The following IMMP2L variants were observed in gnomAD, a reference collection of about 807,000 sequenced individuals.
IMMP2L encodes the protein mitochondrial inner membrane protease subunit 2.
In IMMP2L, 18 loss-of-function variants were observed where a neutral mutation model predicts 19.3. The observed-to-expected ratio is 0.93, with a 90% CI of 0.64 to 1.38. The LOEUF (loss-of-function observed/expected upper bound fraction) is 1.38, where lower values mean the gene tolerates loss of function less well. Ranked by LOEUF, IMMP2L falls within the 40% of genes most tolerant of loss-of-function variation. The probability of loss-of-function intolerance (pLI) is 0.00; values close to 1 mark genes in which losing one functional copy is unlikely to be tolerated. For synonymous variants in IMMP2L, 76 were observed against 73.0 expected (o/e 1.04, Z -0.21); for missense variants, 233 against 218.2 (o/e 1.07, Z -0.43).
At chr7:111,046,818 G>C (rs1357718937) in intron 3 of IMMP2L, among the ~76,000 whole-genome samples, 1 of 152,116 alleles carries the variant, frequency 6.6e-6, no homozygotes, top group Non-Finnish European at 1.5e-5. Context: ...TGGTGTTGGG[G>C]ACTCTACATT....
rs550435780 is a variant in IMMP2L, at chr7:110,665,702, G to A, written c.409-1981C>T. On this transcript the variant is annotated intron_variant, in intron 5 of 5. Coordinates refer to ENST00000405709, the MANE Select transcript of IMMP2L (RefSeq NM_032549.4). ...GAGTCAAGTTCCATCAAATCAGGAG[G>A]CACAAAATATCGGTGCATCTCATTG... Among the ~76,000 whole-genome samples the A allele has an allele frequency of 2.6e-5, 4 of 152,166 alleles. No individual in the cohort carries two copies. The East Asian group carries it at 7.7e-4, about 29-fold the overall frequency.
chr7:111,223,712 G>A (rs547032928), intron 3 of IMMP2L, among the ~76,000 whole-genome samples: 2 of 152,128 alleles, frequency 1.3e-5, no homozygotes, highest in African/African-American at 4.8e-5. Context: ...ATATTTAACT[G>A]TTTCCTGCAG....
At chr7:110,949,969 T>C (rs1817628995) in intron 4 of IMMP2L, among the ~76,000 whole-genome samples, 1 of 152,138 alleles carries the variant, frequency 6.6e-6, no homozygotes, top group Non-Finnish European at 1.5e-5. Context: ...TTAAATCCCC[T>C]GAATAATGAG....
intron 3 of IMMP2L, among the ~76,000 whole-genome samples, chr7:111,268,973 AT>A (rs943461192): frequency 2.6e-5 from 4 of 151,974 alleles, no homozygotes; most frequent in African/African-American, 9.7e-5. Flanking sequence ...AATATTGTCC[AT>A]TTTTTATTAC....
intron 5 of IMMP2L, among the ~76,000 whole-genome samples, chr7:110,816,046 A>T (rs1802479998): frequency 1.3e-5 from 2 of 151,832 alleles, no homozygotes; most frequent in Non-Finnish European, 2.9e-5. Flanking sequence ...CAGTTCTTTT[A>T]ACTGTGATGT....
At chr7:111,270,843 T>C (rs894894963) in intron 3 of IMMP2L, among the ~76,000 whole-genome samples, 42 of 152,210 alleles carry the variant, frequency 2.8e-4, no homozygotes, top group African/African-American at 9.4e-4. Flanking sequence ...GGATTTTGTT[T>C]ATGCCAACTA....
At chr7:110,881,359 G>A (rs1445812155) in intron 5 of IMMP2L, among the ~76,000 whole-genome samples, 1 of 152,106 alleles carries the variant, frequency 6.6e-6, no homozygotes, top group Non-Finnish European at 1.5e-5. Flanking sequence ...TTCCAGCACT[G>A]TTTATGGGAA....
Position 111,495,010 on chromosome 7 carries a change from T to C in IMMP2L, c.136-7669A>G, listed in dbSNP as rs181570249. Among the ~76,000 whole-genome samples the C allele has an allele frequency of 8.5e-5, 13 of 152,220 alleles. No individual in the cohort carries two copies. In the East Asian group the frequency reaches 2.3e-3, roughly 27 times the overall value. On this transcript the variant is annotated intron_variant, in intron 2 of 5. Transcript: ENST00000405709. The stretch of plus-strand genomic sequence containing the variant: ...AGGATGCTTTTATGTGGGGCCTTAA[T>C]TGTTCTGCCTCTATAAATTAATCCA...
rs144349147 is a variant in IMMP2L, at chr7:111,442,909, C to T, written c.239+44329G>A. Reference sequence around the variant, plus strand: ...CTGGTTTGGACCTAGTTACAAATACCATTTAAACAGAACAGAAAAAAAGCC... The same window carrying T: ...CTGGTTTGGACCTAGTTACAAATACTATTTAAACAGAACAGAAAAAAAGCC... On this transcript the variant is annotated intron_variant, in intron 3 of 5. Coordinates refer to ENST00000405709, the MANE Select transcript of IMMP2L (RefSeq NM_032549.4). Among the ~76,000 whole-genome samples the T allele has an allele frequency of 8.6e-4, 130 of 151,900 alleles. 5 individuals are homozygous for T. The East Asian group carries it at 0.019, about 22-fold the overall frequency.
At chr7:110,954,264 G>C (rs767760978) in intron 4 of IMMP2L, among the ~76,000 whole-genome samples, 1 of 152,068 alleles carries the variant, frequency 6.6e-6, no homozygotes, top group African/African-American at 2.4e-5. Flanking sequence ...CCCACCAGAT[G>C]TTCCTGCTAA....
chr7:111,214,544 G>C (rs138198738), intron 3 of IMMP2L, among the ~76,000 whole-genome samples: 1 of 140,836 alleles, frequency 7.1e-6, no homozygotes, highest in African/African-American at 2.6e-5. Flanking sequence ...GTAGAGACAG[G>C]GTTTCAACAC....
At position 111,300,390 on chromosome 7, in the gene IMMP2L, AT is replaced by A. The variant is rs932554401; in HGVS notation, c.239+186847del. ...GAGTAAAGGGTTTTTCTTTAATTAA[AT>A]TTTTTTTATTTTGAGATAATTGTAG... On this transcript the variant is annotated intron_variant, in intron 3 of 5. Transcript: ENST00000405709. Among the ~76,000 whole-genome samples, 328 of 152,164 alleles carry A rather than the reference AT, an allele frequency of 2.2e-3. 3 individuals are homozygous for A. Among genetic ancestry groups the A allele is most frequent in the African/African-American group, 7.4e-3 (308 of 41,526 alleles).
At chr7:111,254,337 G>A (rs1249933184) in intron 3 of IMMP2L, among the ~76,000 whole-genome samples, 1 of 151,984 alleles carries the variant, frequency 6.6e-6, no homozygotes, top group Non-Finnish European at 1.5e-5. Context: ...AAAAGTCTTT[G>A]AATATATGCA....
At chr7:111,251,162 C>CT (rs1816067265) in intron 3 of IMMP2L, among the ~76,000 whole-genome samples, 1 of 152,102 alleles carries the variant, frequency 6.6e-6, no homozygotes, top group Non-Finnish European at 1.5e-5. Context: ...CAACATCACT[C>CT]ATCATTAGAG....
At chr7:111,032,677 C>T (rs1790947150) in intron 3 of IMMP2L, among the ~76,000 whole-genome samples, 1 of 152,028 alleles carries the variant, frequency 6.6e-6, no homozygotes, top group South Asian at 2.1e-4. Flanking sequence ...CAAAAATTAG[C>T]CAGGCATAGT....
intron 2 of IMMP2L, among the ~76,000 whole-genome samples, chr7:111,488,084 G>C (rs1842800632): frequency 6.6e-6 from 1 of 152,128 alleles, no homozygotes; most frequent in African/African-American, 2.4e-5. Context: ...ATTTGGACAG[G>C]GGTACAGACA....
intron 1 of IMMP2L, among the ~76,000 whole-genome samples, chr7:111,557,223 C>T (rs1204981158): frequency 6.6e-6 from 1 of 151,932 alleles, no homozygotes. Context: ...GACCCCACAC[C>T]CAACCCCACT....
intron 5 of IMMP2L, among the ~76,000 whole-genome samples, chr7:110,768,484 A>G (rs1047734575): frequency 1.3e-5 from 2 of 152,068 alleles, no homozygotes; most frequent in Non-Finnish European, 2.9e-5. Context: ...TGATTTTCAC[A>G]TTAAAAGCTT....
intron 3 of IMMP2L, among the ~76,000 whole-genome samples, chr7:111,294,472 A>G (rs1386312640): frequency 1.3e-5 from 2 of 151,970 alleles, no homozygotes; most frequent in Admixed American, 6.6e-5. Context: ...ATACAGAGCT[A>G]TAAGTAAAAA....
Sources: gnomAD v4.1 joint callset for allele counts (sites outside exome capture counted in the v4.1 genomes callset) on GRCh38, gnomAD v4.1.1 for gene constraint, MANE v1.5 for transcripts, NCBI Gene and HGNC (gene_info 2026-07-23, HGNC 2026-07-21) for gene names.